The following PTPRO variants were observed in gnomAD, a reference collection of about 807,000 sequenced individuals.
PTPRO encodes the protein receptor-type tyrosine-protein phosphatase O.
Under a neutral mutation model 145.2 loss-of-function variants are expected in PTPRO, and 62 were observed. The observed-to-expected ratio is 0.43, with a 90% CI of 0.35 to 0.53. PTPRO has a LOEUF of 0.53. PTPRO is among the 20% of genes least tolerant of loss of function. The probability of loss-of-function intolerance (pLI) is 0.01; values close to 1 mark genes in which losing one functional copy is unlikely to be tolerated. For missense variants in PTPRO, 1,345 were observed against 1,482.7 expected (o/e 0.91, Z 1.53); for synonymous variants, 565 against 514.7 (o/e 1.10, Z -1.32).
intron 25 of PTPRO, among the ~76,000 whole-genome samples, chr12:15,592,558 C>G (rs1329152271): frequency 1.3e-5 from 2 of 152,152 alleles, no homozygotes; most frequent in African/African-American, 4.8e-5. Context: ...TGCCCTCTTC[C>G]TCTTCCTCAC....
At chr12:15,372,744 T>C (rs1027733518) in intron 1 of PTPRO, among the ~76,000 whole-genome samples, 11 of 152,272 alleles carry the variant, frequency 7.2e-5, no homozygotes, top group Non-Finnish European at 1.5e-4. Flanking sequence ...TATTGGCCTG[T>C]GAATTGAATC....
intron 1 of PTPRO, among the ~76,000 whole-genome samples, chr12:15,382,174 ATATT>A (rs1207322283): frequency 1.6e-4 from 23 of 148,128 alleles, no homozygotes; most frequent in African/African-American, 5.7e-4. Flanking sequence ...ATATATATAT[ATATT>A]TATATTTATA....
intron 1 of PTPRO, among the ~76,000 whole-genome samples, chr12:15,475,999 A>G (rs1215737902): frequency 6.6e-6 from 1 of 152,232 alleles, no homozygotes; most frequent in Non-Finnish European, 1.5e-5. Context: ...ATTGTAAGGA[A>G]AGCAAAAAGA....
chr12:15,483,862 C>T, intron 1 of PTPRO, 112 bp from the exon 2 acceptor site: 1 of 1,173,438 alleles, frequency 8.5e-7, no homozygotes, highest in South Asian at 1.4e-5. Flanking sequence ...TTACCATAAA[C>T]ATAACTAATG....
At chr12:15,582,339 C>A (rs769315055) in intron 23 of PTPRO, among the ~76,000 whole-genome samples, 1 of 152,234 alleles carries the variant, frequency 6.6e-6, no homozygotes, top group Non-Finnish European at 1.5e-5. Flanking sequence ...TCCCAACAGA[C>A]ACCTACACCA....
rs1052337329 is a variant in PTPRO, at chr12:15,340,350, G to A, written c.75+17549G>A. Among the ~76,000 whole-genome samples, 4 of 151,962 alleles carry A rather than the reference G, an allele frequency of 2.6e-5. 1 individual carries two copies. Among genetic ancestry groups the A allele is most frequent in the Middle Eastern group, 6.3e-3 (2 of 316 alleles). On this transcript the variant is annotated intron_variant, in intron 1 of 26. Coordinates refer to ENST00000281171, the MANE Select transcript of PTPRO (RefSeq NM_030667.3). ...CACTTCTTCCTCTTCCTCTTACTAC[G>A]GAAATATCTCGAGACACAGGTGACT...
chr12:15,357,282 T>A (rs913374978), intron 1 of PTPRO, among the ~76,000 whole-genome samples: 1 of 152,234 alleles, frequency 6.6e-6, no homozygotes, highest in Non-Finnish European at 1.5e-5. Context: ...GGTGATTGTT[T>A]CAGATTGTGC....
intron 24 of PTPRO, 88 bp from the exon 25 acceptor site, chr12:15,589,367 C>T (rs1233742224): frequency 8.4e-6 from 13 of 1,550,140 alleles, no homozygotes; most frequent in Non-Finnish European, 1.1e-5. Context: ...CAGAGCAAGA[C>T]TCCATCTCAA....
chr12:15,438,499 A>C (rs2136354018), intron 1 of PTPRO, among the ~76,000 whole-genome samples: 1 of 152,208 alleles, frequency 6.6e-6, no homozygotes, highest in South Asian at 2.1e-4. Flanking sequence ...AAAGATAAAC[A>C]TCTTAAAAAG....
intron 2 of PTPRO, among the ~76,000 whole-genome samples, chr12:15,496,351 A>G (rs986282539): frequency 6.6e-6 from 1 of 151,968 alleles, no homozygotes; most frequent in Non-Finnish European, 1.5e-5. Context: ...CATGTTGGTC[A>G]GGCTGGTCTC....
chr12:15,545,248 ACAAG>A (rs1485525061), intron 12 of PTPRO, among the ~76,000 whole-genome samples: 1 of 151,832 alleles, frequency 6.6e-6, no homozygotes, highest in Non-Finnish European at 1.5e-5. Flanking sequence ...AATCCAAGTA[ACAAG>A]CAGGAAGAAA....
In PTPRO at chr12:15,347,898, T is replaced by C. The variant is rs185131998; in HGVS notation, c.75+25097T>C. ...CAGATGAGAATACCAGATTATACAA[T>C]TTACCTATGGCCCTAAACATAGTCT... On this transcript the variant is annotated intron_variant, in intron 1 of 26. Coordinates refer to ENST00000281171, the MANE Select transcript of PTPRO (RefSeq NM_030667.3). 6.6e-4 allele frequency among the ~76,000 whole-genome samples: 101 copies of C among 152,288 alleles called. No individual in the cohort carries two copies. The Middle Eastern group carries it at 0.01, about 15-fold the overall frequency.
chr12:15,365,972 T>C (rs1054691315), intron 1 of PTPRO, among the ~76,000 whole-genome samples: 2 of 152,154 alleles, frequency 1.3e-5, no homozygotes, highest in African/African-American at 4.8e-5. Context: ...AAGTAATTTA[T>C]AGCTAATTGA....
chr12:15,591,511 A>G (rs1944552711), intron 25 of PTPRO, among the ~76,000 whole-genome samples: 1 of 152,096 alleles, frequency 6.6e-6, no homozygotes, highest in Non-Finnish European at 1.5e-5. Flanking sequence ...TTGGGTGGTT[A>G]TCAAGCAGCC....
Position 15,399,908 on chromosome 12 carries a change from G to A in PTPRO, c.75+77107G>A, listed in dbSNP as rs567290786. Among the ~76,000 whole-genome samples, 5 of 151,126 alleles carry A rather than the reference G, an allele frequency of 3.3e-5. 1 individual carries two copies. The highest frequency in any genetic ancestry group is 9.7e-5 in the African/African-American group (4 of 41,276). On this transcript the variant is annotated intron_variant, in intron 1 of 26. Coordinates refer to ENST00000281171, the MANE Select transcript of PTPRO (RefSeq NM_030667.3). The stretch of plus-strand genomic sequence containing the variant: ...TCTACTAAAAATACAAAAATTAGAC[G>A]GGCGTGTTGGCGCATACCTGTAATC...
intron 12 of PTPRO, among the ~76,000 whole-genome samples, chr12:15,531,824 T>C (rs950878252): frequency 6.6e-6 from 1 of 152,222 alleles, no homozygotes; most frequent in African/African-American, 2.4e-5. Context: ...TCCACATAGT[T>C]AATGCAATTT....
Position 15,541,572 on chromosome 12 carries a change from T to G in PTPRO, c.2165-4997T>G, listed in dbSNP as rs1943180578. Among the ~76,000 whole-genome samples the G allele has an allele frequency of 2.6e-5, 4 of 152,222 alleles. No homozygotes were observed. The South Asian group carries it at 8.3e-4, about 31-fold the overall frequency. ...GGCTTCTCCTGAGGCTTGCAGATGA[T>G]CACTTTGTAACTGTGTCCTCACACG... On this transcript the variant is annotated intron_variant, in intron 12 of 26. Coordinates refer to ENST00000281171, the MANE Select transcript of PTPRO (RefSeq NM_030667.3).
intron 1 of PTPRO, among the ~76,000 whole-genome samples, chr12:15,419,035 T>A (rs1045639186): frequency 2.0e-5 from 3 of 151,616 alleles, no homozygotes; most frequent in Non-Finnish European, 4.4e-5. Flanking sequence ...CTAACGCATA[T>A]TAAATGCTAG....
intron 20 of PTPRO, 77 bp from the exon 21 acceptor site, chr12:15,579,962 A>G: frequency 9.1e-7 from 1 of 1,104,398 alleles, no homozygotes; most frequent in Non-Finnish European, 1.4e-6. Context: ...ATTTAACTTA[A>G]TATTGGATAG....
Sources: gnomAD v4.1 joint callset for allele counts (sites outside exome capture counted in the v4.1 genomes callset) on GRCh38, gnomAD v4.1.1 for gene constraint, MANE v1.5 for transcripts, NCBI Gene and HGNC (gene_info 2026-07-23, HGNC 2026-07-21) for gene names.